Variants in GRIA1 observed in about 807,000 individuals in gnomAD.
GRIA1 encodes glutamate receptor 1.
Under a neutral mutation model 99.2 loss-of-function variants are expected in GRIA1, and 31 were observed. The ratio of observed to expected loss-of-function variants is 0.31; its 90% confidence interval spans 0.23 to 0.42. The LOEUF is 0.42. GRIA1 is among the 10% of genes least tolerant of loss of function. The pLI, the probability that GRIA1 is intolerant of heterozygous loss-of-function variation, is 1.00. For missense variants in GRIA1, 782 were observed against 1,157.5 expected, an observed-to-expected ratio of 0.68 and a Z score of 4.71; for synonymous variants, 438 against 432.4, an observed-to-expected ratio of 1.01 and a Z score of -0.16.
chr5:153,653,724 A>G (rs557290542), intron 4 of GRIA1, among the ~76,000 whole-genome samples: 7 of 152,298 alleles, frequency 4.6e-5, no homozygotes, highest in African/African-American at 1.4e-4. Flanking sequence ...ACTCAACTCA[A>G]TGAGGGCACA....
intron 2 of GRIA1, among the ~76,000 whole-genome samples, chr5:153,626,444 CTGTGTGTGTGTGTG>C (rs3036985): frequency 1.8e-4 from 25 of 142,446 alleles, no homozygotes; most frequent in Admixed American, 7.0e-4. Flanking sequence ...GTGTGTGTGT[CTGTGTGTGTGTGTG>C]TGTGTGTGTG....
chr5:153,532,351 C>T (rs776297371), intron 2 of GRIA1, among the ~76,000 whole-genome samples: 2 of 152,106 alleles, frequency 1.3e-5, no homozygotes, highest in Non-Finnish European at 2.9e-5. Flanking sequence ...TCTCATAGAC[C>T]TCTGAATTTC....
At chr5:153,758,146 T>G (rs1311266357) in intron 11 of GRIA1, among the ~76,000 whole-genome samples, 1 of 151,940 alleles carries the variant, frequency 6.6e-6, no homozygotes. Context: ...AGAACAGAAT[T>G]AAAGAATCTG....
intron 2 of GRIA1, among the ~76,000 whole-genome samples, chr5:153,496,503 G>T (rs1291997056): frequency 1.3e-5 from 2 of 152,166 alleles, no homozygotes; most frequent in Non-Finnish European, 2.9e-5. Context: ...ATCTTATTTT[G>T]TGCTTAGACT....
At chr5:153,643,229 T>A (rs1409873572) in intron 2 of GRIA1, among the ~76,000 whole-genome samples, 5 of 152,224 alleles carry the variant, frequency 3.3e-5, no homozygotes, top group Non-Finnish European at 7.3e-5. Context: ...GACTCTAGAA[T>A]GTCAGAGTCT....
At chr5:153,671,028 C>CT (rs1322365710) in intron 5 of GRIA1, among the ~76,000 whole-genome samples, 2 of 152,084 alleles carry the variant, frequency 1.3e-5, no homozygotes, top group Admixed American at 1.3e-4. Context: ...AATTTTGTTT[C>CT]TTTTACTTAA....
Position 153,798,257 on chromosome 5 carries a change from C to A in GRIA1, c.2385+3522C>A, listed in dbSNP as rs567538990. ...TTAGCTAATGAGTGAGCCTAGCCAA[C>A]CACTCAGCCTTCACTCCCAGGAAGT... On this transcript the variant is annotated intron_variant, in intron 14 of 15. Transcript: ENST00000285900. 3.3e-5 allele frequency among the ~76,000 whole-genome samples: 5 copies of A among 152,278 alleles called. No individual in the cohort carries two copies. In the East Asian group the frequency reaches 7.7e-4, roughly 24 times the overall value.
intron 2 of GRIA1, among the ~76,000 whole-genome samples, chr5:153,542,996 A>G (rs188963767): frequency 2.0e-4 from 30 of 152,360 alleles, no homozygotes; most frequent in Middle Eastern, 3.4e-3. Flanking sequence ...CACTTCTTAG[A>G]GCATTGTTAT....
At chr5:153,769,364 A>C (rs767255792) in intron 12 of GRIA1, among the ~76,000 whole-genome samples, 1 of 152,140 alleles carries the variant, frequency 6.6e-6, no homozygotes, top group Admixed American at 6.5e-5. Context: ...AATGGTGCCT[A>C]CTAGAGTCTA....
chr5:153,515,392 G>T (rs1756514983), intron 2 of GRIA1, among the ~76,000 whole-genome samples: 2 of 152,154 alleles, frequency 1.3e-5, no homozygotes, highest in Non-Finnish European at 2.9e-5. Flanking sequence ...GACAAATATT[G>T]CATGATCTCA....
chr5:153,746,829 C>A (rs755649491), intron 11 of GRIA1, among the ~76,000 whole-genome samples: 21 of 152,058 alleles, frequency 1.4e-4, no homozygotes, highest in South Asian at 2.1e-4. Flanking sequence ...GCCAAATATT[C>A]TTTTGTGTCT....
chr5:153,491,630 C>T (rs1753927675), intron 1 of GRIA1, among the ~76,000 whole-genome samples: 1 of 152,056 alleles, frequency 6.6e-6, no homozygotes, highest in African/African-American at 2.4e-5. Context: ...TCCTCGCCTG[C>T]CTTTTCTCCG....
intron 2 of GRIA1, among the ~76,000 whole-genome samples, chr5:153,638,738 C>T (rs1403144721): frequency 6.6e-6 from 1 of 152,224 alleles, no homozygotes; most frequent in Non-Finnish European, 1.5e-5. Flanking sequence ...TTACAAATTA[C>T]AGAACCTAAA....
intron 2 of GRIA1, among the ~76,000 whole-genome samples, chr5:153,526,735 G>A (rs758693947): frequency 2.0e-5 from 3 of 152,154 alleles, no homozygotes; most frequent in East Asian, 1.9e-4. Context: ...CTATTTGCCC[G>A]GGATCACACT....
In GRIA1 at chr5:153,812,675, G is replaced by A. The variant is rs1766898389; in HGVS notation, c.*1450G>A. 1 of 152,132 alleles carries A rather than the reference G, an allele frequency of 6.6e-6. No homozygotes were observed. Among genetic ancestry groups the A allele is most frequent in the Non-Finnish European group, 1.5e-5 (1 of 67,986 alleles). 9.4% of individuals were successfully genotyped at this position (152,132 alleles called of 1,614,324 possible). ...ATATACGTATGATTGGGGCTACAAA[G>A]CTGAACTAAAGCAAGATTGGTGAAG... On this transcript the variant is annotated 3_prime_UTR_variant, in exon 16 of 16. Transcript: ENST00000285900.
intron 11 of GRIA1, among the ~76,000 whole-genome samples, chr5:153,726,760 A>G (rs957882282): frequency 3.3e-5 from 5 of 151,650 alleles, no homozygotes. Context: ...GCTTACCAAC[A>G]AAAAGTCCAG....
intron 2 of GRIA1, among the ~76,000 whole-genome samples, chr5:153,569,628 T>TAACAAA (rs1198574606): frequency 2.0e-4 from 30 of 152,376 alleles, no homozygotes; most frequent in South Asian, 1.2e-3. Flanking sequence ...ATTTTTGTGT[T>TAACAAA]TGCTTAGTAC....
intron 11 of GRIA1, among the ~76,000 whole-genome samples, chr5:153,753,254 A>G (rs1158639286): frequency 6.6e-6 from 1 of 152,252 alleles, no homozygotes; most frequent in Non-Finnish European, 1.5e-5. Flanking sequence ...GTGTTATGCA[A>G]CAATGGAATA....
chr5:153,590,142 C>T (rs1160763587), intron 2 of GRIA1, among the ~76,000 whole-genome samples: 1 of 152,116 alleles, frequency 6.6e-6, no homozygotes, highest in Non-Finnish European at 1.5e-5. Flanking sequence ...TTTCAAGTAT[C>T]ATTATAGTAA....
Sources: gnomAD v4.1 joint callset for allele counts (sites outside exome capture counted in the v4.1 genomes callset) on GRCh38, gnomAD v4.1.1 for gene constraint, MANE v1.5 for transcripts, NCBI Gene and HGNC (gene_info 2026-07-23, HGNC 2026-07-21) for gene names.